Variants in SH3D19 observed in about 807,000 individuals in gnomAD.
The protein encoded by SH3D19 is SH3 domain-containing protein 19.
A neutral mutation model predicts 112.1 loss-of-function variants in SH3D19; 58 were observed. That is an observed-to-expected ratio of 0.52 (90% confidence interval 0.42 to 0.64). The LOEUF (loss-of-function observed/expected upper bound fraction) is 0.64. SH3D19 is among the 30% of genes least tolerant of loss of function. The pLI is 0.00. For synonymous variants in SH3D19, 391 were observed against 448.5 expected, an observed-to-expected ratio of 0.87 and a Z score of 1.62; for missense variants, 1,090 against 1,263.4, an observed-to-expected ratio of 0.86 and a Z score of 2.08.
intron 8 of SH3D19, 59 bp downstream of exon 8, chr4:151,165,530 A>G: frequency 3.1e-6 from 4 of 1,270,580 alleles, no homozygotes; most frequent in Non-Finnish European, 3.4e-6. Context: ...TTGATAAATT[A>G]GCATATATTT....
intron 1 of SH3D19, among the ~76,000 whole-genome samples, chr4:151,283,501 C>T (rs1774447335): frequency 7.3e-6 from 1 of 137,844 alleles, no homozygotes. Context: ...AACGACTGGT[C>T]ATTGGACTTT....
chr4:151,296,818 A>C (rs1232666695), intron 1 of SH3D19, among the ~76,000 whole-genome samples: 1 of 152,178 alleles, frequency 6.6e-6, no homozygotes, highest in Non-Finnish European at 1.5e-5. Flanking sequence ...AAGATTTGTA[A>C]ATTTAGTTAT....
chr4:151,154,419 C>T (rs1251075198), intron 9 of SH3D19, among the ~76,000 whole-genome samples: 1 of 147,892 alleles, frequency 6.8e-6, no homozygotes, highest in Non-Finnish European at 1.5e-5. Flanking sequence ...CAGGCTTGAA[C>T]CATTGCGCCC....
chr4:151,132,434 G>A (rs1423534827), intron 16 of SH3D19, 51 bp from the exon 17 acceptor site: 11 of 1,521,680 alleles, frequency 7.2e-6, no homozygotes, highest in Non-Finnish European at 9.1e-6. Flanking sequence ...TAGATGTGAA[G>A]GCCACATAGT....
chr4:151,232,553 A>C (rs1335240067), intron 1 of SH3D19, among the ~76,000 whole-genome samples: 1 of 152,220 alleles, frequency 6.6e-6, no homozygotes, highest in Non-Finnish European at 1.5e-5. Context: ...TGACTGTACA[A>C]GTCACTTAAC....
intron 1 of SH3D19, among the ~76,000 whole-genome samples, chr4:151,302,525 CA>C (rs1264242466): frequency 2.0e-5 from 3 of 151,390 alleles, no homozygotes; most frequent in Non-Finnish European, 4.4e-5. Flanking sequence ...TAGGAGTTAG[CA>C]AACTTTTTCT....
intron 1 of SH3D19, among the ~76,000 whole-genome samples, chr4:151,248,870 T>A (rs555842263): frequency 6.6e-6 from 1 of 152,338 alleles, no homozygotes; most frequent in South Asian, 2.1e-4. Context: ...ACTCCCAAGA[T>A]TTCCTTAGAG....
chr4:151,243,347 A>G (rs1160912481), intron 1 of SH3D19, among the ~76,000 whole-genome samples: 1 of 152,244 alleles, frequency 6.6e-6, no homozygotes, highest in African/African-American at 2.4e-5. Flanking sequence ...TTAAGCCTTT[A>G]TACTATAAAA....
At chr4:151,125,051 T>TTTTCTTTCTTTC (rs10658828) in intron 19 of SH3D19, among the ~76,000 whole-genome samples, 6 of 151,326 alleles carry the variant, frequency 4.0e-5, no homozygotes, top group Non-Finnish European at 7.4e-5. Context: ...AAGGCAACAG[T>TTTTCTTTCTTTC]TTTCTTTCTT....
chr4:151,149,408 A>T (rs1754521577), intron 10 of SH3D19, 92 bp downstream of exon 10: 1 of 1,019,038 alleles, frequency 9.8e-7, no homozygotes. Context: ...CTAAAAAAAG[A>T]TTCAAGGCCA....
At chr4:151,176,237 T>G (rs1009313466) in intron 6 of SH3D19, among the ~76,000 whole-genome samples, 1 of 152,138 alleles carries the variant, frequency 6.6e-6, no homozygotes, top group East Asian at 1.9e-4. Flanking sequence ...AAATATAAGA[T>G]CCTTCTCAGA....
chr4:151,144,875 T>C (rs754096915), intron 11 of SH3D19, among the ~76,000 whole-genome samples: 2 of 152,212 alleles, frequency 1.3e-5, no homozygotes, highest in African/African-American at 4.8e-5. Flanking sequence ...CTCTGTTCCC[T>C]GCTTTGGAAA....
chr4:151,264,258 T>C lies in SH3D19; in HGVS notation c.113-38172A>G, dbSNP rs574030208. 3.3e-5 allele frequency among the ~76,000 whole-genome samples: 5 copies of C among 151,704 alleles called. No individual in the cohort carries two copies. In the South Asian group the frequency reaches 8.4e-4, roughly 25 times the overall value. On this transcript the variant is annotated intron_variant, in intron 1 of 19. Transcript: ENST00000604030. ...CCAGCCTGGCCAACATGGTGAAACG[T>C]TGTCTCTATTAAAAATACAAAAATT...
intron 8 of SH3D19, among the ~76,000 whole-genome samples, chr4:151,162,598 CT>C (rs57420317): frequency 0.091 from 11,906 of 131,048 alleles, 571 homozygotes; most frequent in African/African-American, 0.24. Context: ...AGATTGGTCC[CT>C]TTTTTTTTTT....
At chr4:151,251,681 C>A (rs1362362574) in intron 1 of SH3D19, among the ~76,000 whole-genome samples, 1 of 152,104 alleles carries the variant, frequency 6.6e-6, no homozygotes, top group Non-Finnish European at 1.5e-5. Flanking sequence ...CCTGTCCACC[C>A]TTCTTCATAC....
At chr4:151,275,821 A>G (rs1272056955) in intron 1 of SH3D19, among the ~76,000 whole-genome samples, 1 of 142,264 alleles carries the variant, frequency 7.0e-6, no homozygotes, top group Admixed American at 7.4e-5. Flanking sequence ...ACGCCCAGCC[A>G]CTTCTATTAT....
At chr4:151,212,664 C>G (rs767938831) in intron 2 of SH3D19, among the ~76,000 whole-genome samples, 1 of 152,214 alleles carries the variant, frequency 6.6e-6, no homozygotes, top group African/African-American at 2.4e-5. Context: ...AGCTCTGATG[C>G]AGATGTACAG....
chr4:151,223,405 T>C (rs1768434084), intron 2 of SH3D19, among the ~76,000 whole-genome samples: 1 of 152,198 alleles, frequency 6.6e-6, no homozygotes, highest in South Asian at 2.1e-4. Flanking sequence ...ATTTGGCCAG[T>C]GAAAATCCCT....
chr4:151,312,365 G>A (rs1004871518), intron 1 of SH3D19, among the ~76,000 whole-genome samples: 30 of 152,186 alleles, frequency 2.0e-4, no homozygotes, highest in African/African-American at 7.2e-4. Flanking sequence ...CTAAGGCAGT[G>A]ATTCTCACCT....
Sources: gnomAD v4.1 joint callset for allele counts (sites outside exome capture counted in the v4.1 genomes callset) on GRCh38, gnomAD v4.1.1 for gene constraint, MANE v1.5 for transcripts, NCBI Gene and HGNC (gene_info 2026-07-23, HGNC 2026-07-21) for gene names.